Variants in ELOF1 observed in about 807,000 individuals in gnomAD.
ELOF1 encodes the protein transcription elongation factor 1 homolog.
A neutral mutation model predicts 7.1 loss-of-function variants in ELOF1; 4 were observed. That is an observed-to-expected ratio of 0.56 (90% CI 0.28 to 1.29). The LOEUF is 1.29. ELOF1 is among the 50% of genes most tolerant of loss of function. The pLI is 0.10. For missense variants in ELOF1, 59 were observed against 86.3 expected, an observed-to-expected ratio of 0.68 and a Z score of 1.25; for synonymous variants, 31 against 31.9, an observed-to-expected ratio of 0.97 and a Z score of 0.09.
Position 11,554,324 on chromosome 19 carries a change from T to C in ELOF1, c.24A>G (p.Arg8=), listed in dbSNP as rs202130414. 13 of 1,613,908 alleles carry C rather than the reference T, an allele frequency of 8.1e-6. No individual in the cohort carries two copies. In the East Asian group the frequency reaches 2.5e-4, roughly 30 times the overall value. Reference sequence around the variant, plus strand: ...TCATCTTCTTCTTGGGAGGCGGCTTTCGTTTTGACTTTCTGCGCCCCATGT... The same window carrying C: ...TCATCTTCTTCTTGGGAGGCGGCTTCCGTTTTGACTTTCTGCGCCCCATGT... The change falls in exon 2 of 4, where the codon CGA becomes CGG. Residue 8 remains arginine, a synonymous_variant. Coordinates refer to ENST00000586683, the Ensembl canonical transcript of ELOF1.
chr19:11,553,753 T>C, intron 3 of ELOF1: 1 of 1,614,180 alleles, frequency 6.2e-7, no homozygotes, highest in Non-Finnish European at 8.5e-7. Context: ...TCGCTACTGA[T>C]TGGCCGCCTC....
chr19:11,553,968 C>A, intron 3 of ELOF1, 43 bp downstream of exon 3: 1 of 1,613,834 alleles, frequency 6.2e-7, no homozygotes, highest in Non-Finnish European at 8.5e-7. Context: ...GGACTCCAGC[C>A]CCCTCCCCAC....
intron 1 of ELOF1, among the ~76,000 whole-genome samples, chr19:11,557,282 A>G (rs1034803167): frequency 6.6e-6 from 1 of 152,034 alleles, no homozygotes; most frequent in African/African-American, 2.4e-5. Context: ...CTCTCTGCCA[A>G]CTTGCTCCAA....
intron 3 of ELOF1, chr19:11,553,582 T>TACACAC (rs57015096): frequency 0.011 from 6,456 of 604,688 alleles, 31 homozygotes; most frequent in East Asian, 0.04. Flanking sequence ...GCACACCCAC[T>TACACAC]ACACACACAC....
intron 3 of ELOF1, chr19:11,553,583 ACACACAC>A (rs1375740814): frequency 2.3e-3 from 11 of 4,826 alleles, no homozygotes; most frequent in Non-Finnish European, 0.012. Context: ...CACACCCACT[ACACACAC>A]ACACACACAC....
At chr19:11,558,808 C>T (rs1352189494) in intron 1 of ELOF1, among the ~76,000 whole-genome samples, 2 of 152,002 alleles carry the variant, frequency 1.3e-5, no homozygotes, top group Non-Finnish European at 2.9e-5. Flanking sequence ...GTCTCCCCAT[C>T]CCATGAATGG....
chr19:11,553,829 G>C lies in ELOF1; in HGVS notation c.187+182C>G. 1.2e-6 allele frequency: 2 copies of C among 1,614,172 alleles called. No homozygotes were observed. Among genetic ancestry groups the C allele is most frequent in the South Asian group, 1.1e-5 (1 of 91,088 alleles). On this transcript the variant is annotated intron_variant, in intron 3 of 3. Transcript: ENST00000586683. Reference sequence around the variant, plus strand: ...GACAGATCTGGGCCACTTAGGTCAAGGGCGATCATTGGCATTGGAACCCTG... The same window carrying C: ...GACAGATCTGGGCCACTTAGGTCAACGGCGATCATTGGCATTGGAACCCTG...
chr19:11,553,430 T>G, intron 3 of ELOF1: 1 of 512,650 alleles, frequency 2.0e-6, no homozygotes, highest in Non-Finnish European at 3.5e-6. Flanking sequence ...CAGCAAAGGC[T>G]TTCGGAGCCA....
chr19:11,554,155 G>A, intron 2 of ELOF1, 74 bp from the exon 3 acceptor site: 1 of 1,614,070 alleles, frequency 6.2e-7, no homozygotes, highest in East Asian at 2.2e-5. Flanking sequence ...TTCACCAAGG[G>A]AGGCAAGGGG....
At chr19:11,554,012 C>A (rs766886574) in exon 3 of ELOF1, 18 of 1,614,052 alleles carry the variant, frequency 1.1e-5, no homozygotes, top group Non-Finnish European at 1.4e-5. Flanking sequence ...CAAGGATACA[C>A]GTTATGGGCG....
chr19:11,557,310 T>C (rs988335055), intron 1 of ELOF1, among the ~76,000 whole-genome samples: 6 of 152,124 alleles, frequency 3.9e-5, no homozygotes, highest in African/African-American at 7.2e-5. Context: ...AGCACGTGAG[T>C]TTGGGCCAGG....
Position 11,554,063 on chromosome 19 carries a change from G to A in ELOF1, c.135C>T (p.Thr45=), listed in dbSNP as rs372944360. The change falls in exon 3 of 4, where the codon ACC becomes ACT. Residue 45 remains threonine, a synonymous_variant. Coordinates refer to ENST00000586683, the Ensembl canonical transcript of ELOF1. ...GGCACACGGTACAAGAGATGACTCC[G>A]GTGTTGCGGGCACGGTCCCTGAAAC... 1.5e-5 allele frequency: 25 copies of A among 1,614,092 alleles called. No individual in the cohort carries two copies. The African/African-American group carries it at 2.0e-4, about 13-fold the overall frequency.
rs150758819 is a variant in ELOF1, at chr19:11,553,667, C to G, written c.187+344G>C. 478 of 1,571,580 alleles carry G rather than the reference C, an allele frequency of 3.0e-4. 2 individuals are homozygous for G. The African/African-American group carries it at 5.5e-3, about 18-fold the overall frequency. Reference sequence around the variant, plus strand: ...AGCCCAGGACCCACACCCTGGACCCCTGGAATGTCTCTGGACCAGAACCGA... The same window carrying G: ...AGCCCAGGACCCACACCCTGGACCCGTGGAATGTCTCTGGACCAGAACCGA... On this transcript the variant is annotated intron_variant, in intron 3 of 3. Transcript: ENST00000586683.
In ELOF1 at chr19:11,553,995, A is replaced by C. The variant is rs369142001; in HGVS notation, c.187+16T>G. ...CCTCCCCACCCTCTGGAAAAAGCCCAGGTTTCCAAGGATACACGTTATGGG... is the reference window on the plus strand; with the variant it reads ...CCTCCCCACCCTCTGGAAAAAGCCCCGGTTTCCAAGGATACACGTTATGGG... On this transcript the variant is annotated intron_variant, in intron 3 of 3. Coordinates refer to ENST00000586683, the Ensembl canonical transcript of ELOF1. The C allele has an allele frequency of 1.9e-5, 31 of 1,614,068 alleles. No homozygotes were observed. Among genetic ancestry groups the C allele is most frequent in the Non-Finnish European group, 2.5e-5 (29 of 1,180,038 alleles).
At chr19:11,553,934 C>T in intron 3 of ELOF1, 77 bp downstream of exon 3, 1 of 1,610,160 alleles carries the variant, frequency 6.2e-7, no homozygotes, top group Non-Finnish European at 8.5e-7. Flanking sequence ...CCAGGGCACA[C>T]AGTGGGCCAG....
At chr19:11,555,150 A>G (rs1489018738) in intron 1 of ELOF1, 2 of 241,692 alleles carry the variant, frequency 8.3e-6, no homozygotes, top group South Asian at 7.0e-5. Context: ...CCAGCTACTC[A>G]GGAGGCTGAG....
intron 1 of ELOF1, among the ~76,000 whole-genome samples, chr19:11,556,166 C>G (rs1972830976): frequency 6.6e-6 from 1 of 151,724 alleles, no homozygotes; most frequent in South Asian, 2.1e-4. Flanking sequence ...CCTCCTCCAA[C>G]ACACACACAC....
intron 1 of ELOF1, among the ~76,000 whole-genome samples, chr19:11,558,495 A>G (rs980553219): frequency 1.3e-5 from 2 of 151,778 alleles, no homozygotes; most frequent in Non-Finnish European, 2.9e-5. Flanking sequence ...TAATCTCATC[A>G]CTTTGGGAGG....
intron 1 of ELOF1, 78 bp from the exon 2 acceptor site, chr19:11,554,443 A>G: frequency 1.3e-6 from 2 of 1,547,312 alleles, no homozygotes; most frequent in Non-Finnish European, 1.7e-6. Context: ...AGCAGGCCGG[A>G]AAGAGGGTCT....
Sources: gnomAD v4.1 joint callset for allele counts (sites outside exome capture counted in the v4.1 genomes callset) on GRCh38, gnomAD v4.1.1 for gene constraint, MANE v1.5 for transcripts, NCBI Gene and HGNC (gene_info 2026-07-23, HGNC 2026-07-21) for gene names.